Variants in MTHFD1 observed in about 807,000 individuals in gnomAD.
MTHFD1 encodes C-1-tetrahydrofolate synthase, cytoplasmic.
Under a neutral mutation model 110.3 loss-of-function variants are expected in MTHFD1, and 44 were observed. That is an observed-to-expected ratio of 0.40 (90% CI 0.31 to 0.51). The LOEUF is 0.51. Ranked by LOEUF, MTHFD1 falls within the 20% of genes least tolerant of loss-of-function variation. The pLI, the probability that MTHFD1 is intolerant of heterozygous loss-of-function variation, is 0.60. For synonymous variants in MTHFD1, 402 were observed against 428.8 expected (o/e 0.94, Z 0.77); for missense variants, 909 against 1,173.1 (o/e 0.77, Z 3.29).
At position 64,424,704 on chromosome 14, in the gene MTHFD1, G is replaced by A. The variant is rs572120464; in HGVS notation, c.728-100G>A. 9.8e-6 allele frequency: 13 copies of A among 1,320,146 alleles called. No individual in the cohort carries two copies. In the African/African-American group the frequency reaches 1.0e-4, roughly 10 times the overall value. 81.8% of individuals were successfully genotyped at this position (1,320,146 alleles called of 1,614,324 possible). ...AGTTAAGTAGGCACTGGAGCCTGAT[G>A]GGACTAACACACCCTACAATTCTGC... On this transcript the variant is annotated intron_variant, in intron 8 of 27. Transcript: ENST00000652337.
At chr14:64,414,624 A>G (rs1566560407) in intron 4 of MTHFD1, among the ~76,000 whole-genome samples, 1 of 150,262 alleles carries the variant, frequency 6.7e-6, no homozygotes, top group African/African-American at 2.4e-5. Flanking sequence ...AAGTGCTGGG[A>G]TGACAGGTGT....
chr14:64,407,666 A>G (rs369928622), intron 2 of MTHFD1, among the ~76,000 whole-genome samples: 3 of 150,302 alleles, frequency 2.0e-5, no homozygotes, highest in African/African-American at 7.4e-5. Context: ...CTCCCACCTT[A>G]GCCTCCCAAA....
At chr14:64,430,140 A>C (rs1469461246) in intron 12 of MTHFD1, 44 bp from the exon 13 acceptor site, 2 of 1,569,322 alleles carry the variant, frequency 1.3e-6, no homozygotes, top group East Asian at 2.2e-5. Context: ...AAGTCATTGG[A>C]GAAGCATGCT....
intron 22 of MTHFD1, among the ~76,000 whole-genome samples, chr14:64,445,958 CATTT>C (rs2140978537): frequency 6.6e-6 from 1 of 152,262 alleles, no homozygotes; most frequent in South Asian, 2.1e-4. Flanking sequence ...GCATAAATCA[CATTT>C]ATAATGAACC....
intron 12 of MTHFD1, 121 bp downstream of exon 12, chr14:64,427,594 AT>A: frequency 1.0e-6 from 1 of 1,002,864 alleles, no homozygotes; most frequent in African/African-American, 1.6e-5. Flanking sequence ...CAGGAATGTC[AT>A]TCTCACAAAC....
chr14:64,403,792 C>T (rs1053510345), intron 2 of MTHFD1, among the ~76,000 whole-genome samples: 2 of 152,122 alleles, frequency 1.3e-5, no homozygotes, highest in African/African-American at 4.8e-5. Context: ...AGTGATCCTC[C>T]CGCCTTGGCC....
chr14:64,418,069 T>G (rs1596540367), intron 7 of MTHFD1, 45 bp downstream of exon 7: 1 of 1,612,072 alleles, frequency 6.2e-7, no homozygotes, highest in Non-Finnish European at 8.5e-7. Context: ...GTGGGGAGGG[T>G]GGGTGTGCCA....
At chr14:64,413,122 TG>T (rs1342522131) in intron 4 of MTHFD1, among the ~76,000 whole-genome samples, 14 of 150,890 alleles carry the variant, frequency 9.3e-5, no homozygotes, top group Admixed American at 9.2e-4. Context: ...GAGGCCGAGG[TG>T]GGCAGATCAC....
intron 26 of MTHFD1, among the ~76,000 whole-genome samples, chr14:64,456,439 C>A (rs1416009677): frequency 6.6e-6 from 1 of 152,138 alleles, no homozygotes; most frequent in Non-Finnish European, 1.5e-5. Context: ...TGTGCGTACA[C>A]ATAATATTGT....
intron 15 of MTHFD1, among the ~76,000 whole-genome samples, chr14:64,434,187 G>A (rs957187827): frequency 6.6e-6 from 1 of 152,130 alleles, no homozygotes; most frequent in African/African-American, 2.4e-5. Flanking sequence ...TGCAGATATC[G>A]GGATAAAATC....
intron 8 of MTHFD1, among the ~76,000 whole-genome samples, chr14:64,422,095 T>C (rs2078079346): frequency 6.6e-6 from 1 of 152,132 alleles, no homozygotes; most frequent in African/African-American, 2.4e-5. Context: ...CCTTTTCACA[T>C]TGATTCCTTA....
chr14:64,459,469 T>G (rs898174831), intron 27 of MTHFD1, among the ~76,000 whole-genome samples: 1 of 150,682 alleles, frequency 6.6e-6, no homozygotes, highest in African/African-American at 2.4e-5. Flanking sequence ...AAGCAAACTG[T>G]AGTTTGATGC....
rs1440591978 is a variant in MTHFD1 at position 64,417,906 on chromosome 14, G to A, written c.497G>A (p.Arg166Lys). The A allele has an allele frequency of 6.2e-7, 1 of 1,612,944 alleles. No individual in the cohort carries two copies. Among genetic ancestry groups the A allele is most frequent in the Non-Finnish European group, 8.5e-7 (1 of 1,179,954 alleles). ...IKETGVPIAG[R>K]HAVVVGRSKI... Reference sequence around the variant, plus strand: ...CTTTCAGGGGTGCCGATTGCCGGAAGGCATGCTGTGGTGGTTGGGCGCAGT... The same window carrying A: ...CTTTCAGGGGTGCCGATTGCCGGAAAGCATGCTGTGGTGGTTGGGCGCAGT... Residue 166 changes from arginine to lysine, a missense_variant, in exon 7 of 28, where the codon AGG becomes AAG. By Grantham distance (26) the Arg-to-Lys change is conservative (BLOSUM62 2). Coordinates refer to ENST00000652337, the MANE Select transcript of MTHFD1 (RefSeq NM_005956.4). This position sits in a 1 kb window ranked among gnomAD's most constrained non-coding sequence, Gnocchi z 4.4.
In MTHFD1 at chr14:64,415,765, G is replaced by T. The variant is rs1222573714; in HGVS notation, c.478+26G>T. 2.5e-6 allele frequency: 4 copies of T among 1,609,492 alleles called. No homozygotes were observed. In the East Asian group the frequency reaches 8.9e-5, roughly 36 times the overall value. ...GTAAAAACAACAAACCAAACAACAA[G>T]AAAGCACCATTTCCTGAATCCTGGT... On this transcript the variant is annotated intron_variant, in intron 6 of 27. Coordinates refer to ENST00000652337, the MANE Select transcript of MTHFD1 (RefSeq NM_005956.4).
At chr14:64,398,011 G>A (rs2077870916) in intron 1 of MTHFD1, among the ~76,000 whole-genome samples, 1 of 152,170 alleles carries the variant, frequency 6.6e-6, no homozygotes, top group Admixed American at 6.5e-5. Flanking sequence ...CTGGGTGACT[G>A]TGTAGGGGTA....
chr14:64,447,064 G>A (rs750865548), intron 22 of MTHFD1, among the ~76,000 whole-genome samples: 1 of 150,878 alleles, frequency 6.6e-6, no homozygotes, highest in Non-Finnish European at 1.5e-5. Flanking sequence ...GGCTGCTGTC[G>A]AACTCCTAGG....
At chr14:64,450,209 A>G (rs562341727) in intron 24 of MTHFD1, among the ~76,000 whole-genome samples, 1 of 152,372 alleles carries the variant, frequency 6.6e-6, no homozygotes, top group East Asian at 1.9e-4. Context: ...GTCAAAGTAC[A>G]GGTGGCAGAA....
At position 64,416,375 on chromosome 14, in the gene MTHFD1, A is replaced by T. The variant is rs113725166; in HGVS notation, c.478+636A>T. 2.6e-5 allele frequency among the ~76,000 whole-genome samples: 4 copies of T among 152,292 alleles called. No homozygotes were observed. The South Asian group carries it at 8.3e-4, about 32-fold the overall frequency. ...TTCAAAGCAATTTATTTTAACCTAT[A>T]CAGTAATAAAAATTTGGATAGTTTA... On this transcript the variant is annotated intron_variant, in intron 6 of 27. Transcript: ENST00000652337.
At chr14:64,444,780 C>A in intron 22 of MTHFD1, 46 bp downstream of exon 22, 1 of 1,595,806 alleles carries the variant, frequency 6.3e-7, no homozygotes, top group Non-Finnish European at 8.6e-7. Context: ...AGCACCACAC[C>A]TTGAATCAGC....
Sources: allele counts gnomAD v4.1 joint callset (sites outside exome capture counted in the v4.1 genomes callset), GRCh38; gene constraint gnomAD v4.1.1; non-coding constraint Gnocchi (gnomAD v3.1); transcripts MANE v1.5; gene names NCBI Gene and HGNC (gene_info 2026-07-23, HGNC 2026-07-21).